Variants in TMEM232 observed in about 807,000 individuals in gnomAD.
The protein encoded by TMEM232 is transmembrane protein 232.
TMEM232 carries 80 observed loss-of-function variants against 78.8 expected under a neutral mutation model. That is an observed-to-expected ratio of 1.01 (90% CI 0.85 to 1.22). The LOEUF (loss-of-function observed/expected upper bound fraction) is 1.22. Among genes scored for constraint, TMEM232 ranks in the 50% most tolerant of loss-of-function variants. The pLI, the probability that TMEM232 is intolerant of heterozygous loss-of-function variation, is 0.00. For missense variants in TMEM232, 881 were observed against 742.2 expected, an observed-to-expected ratio of 1.19 and a Z score of -2.17; for synonymous variants, 297 against 254.3, an observed-to-expected ratio of 1.17 and a Z score of -1.60.
chr5:110,502,888 T>C (rs1346290342), intron 12 of TMEM232, among the ~76,000 whole-genome samples: 1 of 152,234 alleles, frequency 6.6e-6, no homozygotes, highest in Non-Finnish European at 1.5e-5. Context: ...TTCCTGGCTA[T>C]CTGAAGTAGA....
intron 12 of TMEM232, among the ~76,000 whole-genome samples, chr5:110,439,957 C>T (rs1394544057): frequency 6.6e-6 from 1 of 152,118 alleles, no homozygotes; most frequent in Non-Finnish European, 1.5e-5. Context: ...AGATATTAAT[C>T]TGTGTGGTTA....
At chr5:110,666,685 C>G (rs1357767267) in intron 2 of TMEM232, 2 of 151,952 alleles carry the variant, frequency 1.3e-5, no homozygotes, top group African/African-American at 2.4e-5. Context: ...CTGTAGGATT[C>G]TAGGTGGATA....
intron 1 of TMEM232, among the ~76,000 whole-genome samples, chr5:110,702,926 G>C (rs956639964): frequency 1.3e-5 from 2 of 152,022 alleles, no homozygotes; most frequent in African/African-American, 4.8e-5. Flanking sequence ...GGAATGTTAT[G>C]AAAGCAAAAA....
intron 1 of TMEM232, among the ~76,000 whole-genome samples, chr5:110,680,520 C>A (rs575828342): frequency 4.7e-5 from 7 of 148,946 alleles, no homozygotes; most frequent in African/African-American, 1.7e-4. Context: ...GTAGAATAAT[C>A]TTTTTCTTGG....
At chr5:110,646,601 A>G (rs1247783730) in intron 2 of TMEM232, among the ~76,000 whole-genome samples, 1 of 151,748 alleles carries the variant, frequency 6.6e-6, no homozygotes, top group Non-Finnish European at 1.5e-5. Context: ...AAAACTACTA[A>G]AAGAATGCAT....
At chr5:110,522,997 A>T (rs1177200928) in intron 12 of TMEM232, among the ~76,000 whole-genome samples, 1 of 152,118 alleles carries the variant, frequency 6.6e-6, no homozygotes, top group Non-Finnish European at 1.5e-5. Context: ...AATTGTTCAG[A>T]TGTTTAGTAG....
At chr5:110,407,196 T>G (rs1296695871) in intron 2 of TMEM232, among the ~76,000 whole-genome samples, 1 of 151,988 alleles carries the variant, frequency 6.6e-6, no homozygotes, top group Non-Finnish European at 1.5e-5. Flanking sequence ...TCCTTAATTA[T>G]CAATAATAAC....
chr5:110,537,474 A>G (rs1343499988), intron 11 of TMEM232, among the ~76,000 whole-genome samples: 1 of 151,872 alleles, frequency 6.6e-6, no homozygotes, highest in African/African-American at 2.4e-5. Flanking sequence ...AAAACCTAAC[A>G]ATCTGCAAAA....
chr5:110,617,328 A>G (rs1783053723), intron 8 of TMEM232, among the ~76,000 whole-genome samples: 1 of 149,248 alleles, frequency 6.7e-6, no homozygotes, highest in Admixed American at 6.6e-5. Flanking sequence ...TTTCAGTTAG[A>G]CAGGAGGAAT....
intron 12 of TMEM232, among the ~76,000 whole-genome samples, chr5:110,500,063 G>C (rs1036369359): frequency 6.6e-6 from 1 of 151,890 alleles, no homozygotes; most frequent in African/African-American, 2.4e-5. Context: ...AGGCTGAGGC[G>C]GGTGGGACAC....
At chr5:110,429,321 C>T (rs554477665) in intron 12 of TMEM232, among the ~76,000 whole-genome samples, 99 of 151,798 alleles carry the variant, frequency 6.5e-4, no homozygotes, top group African/African-American at 2.3e-3. Context: ...TGAAAAGATA[C>T]ATATAGGACA....
intron 1 of TMEM232, among the ~76,000 whole-genome samples, chr5:110,715,207 C>T (rs1346769986): frequency 2.0e-5 from 3 of 151,604 alleles, no homozygotes; most frequent in East Asian, 3.9e-4. Flanking sequence ...TCTAACCAGC[C>T]TAAATCAATG....
chr5:110,679,440 A>G (rs190132564), intron 1 of TMEM232, among the ~76,000 whole-genome samples: 1 of 151,998 alleles, frequency 6.6e-6, no homozygotes, highest in Non-Finnish European at 1.5e-5. Flanking sequence ...TTATCGAATG[A>G]GTCTTTTGCA....
At position 110,395,229 on chromosome 5, in the gene TMEM232, A is replaced by G. The variant is rs544392932; in HGVS notation, n.390+2544T>C. Among the ~76,000 whole-genome samples the G allele has an allele frequency of 2.6e-5, 4 of 152,258 alleles. No individual in the cohort carries two copies. In the South Asian group the frequency reaches 8.3e-4, roughly 32 times the overall value. On this transcript the variant is annotated intron_variant and non_coding_transcript_variant, in intron 3 of 8. Coordinates refer to the TMEM232 transcript ENST00000507188. ...AAGGCCTTTGTTTTATAGAAGAGACAGGGGAGAGTAATCTGTGCTTTCTCC... is the reference window on the plus strand; with the variant it reads ...AAGGCCTTTGTTTTATAGAAGAGACGGGGGAGAGTAATCTGTGCTTTCTCC...
chr5:110,511,411 CTG>C (rs1767721557), intron 12 of TMEM232, among the ~76,000 whole-genome samples: 1 of 150,960 alleles, frequency 6.6e-6, no homozygotes, highest in African/African-American at 2.4e-5. Context: ...CCTGCACGCT[CTG>C]TGCATGTACC....
At chr5:110,657,384 AGTGT>A (rs56213934) in intron 2 of TMEM232, among the ~76,000 whole-genome samples, 16 of 149,312 alleles carry the variant, frequency 1.1e-4, no homozygotes, top group African/African-American at 2.9e-4. Flanking sequence ...TATCTATCTG[AGTGT>A]GTGTGTGTGT....
intron 4 of TMEM232, among the ~76,000 whole-genome samples, chr5:110,639,857 C>G (rs1458308872): frequency 2.0e-5 from 3 of 152,186 alleles, no homozygotes; most frequent in Admixed American, 6.5e-5. Context: ...CCTATGAGGA[C>G]CCAATGTCAC....
intron 2 of TMEM232, among the ~76,000 whole-genome samples, chr5:110,732,360 C>T (rs1031053201): frequency 1.3e-5 from 2 of 152,178 alleles, no homozygotes; most frequent in African/African-American, 4.8e-5. Flanking sequence ...CAACGTCCTA[C>T]TCTATTGGTA....
At chr5:110,395,411 C>CAAGTAA (rs1413572496) in intron 3 of TMEM232, among the ~76,000 whole-genome samples, 46 of 152,220 alleles carry the variant, frequency 3.0e-4, no homozygotes, top group African/African-American at 9.6e-4. Flanking sequence ...CACAGTTGAC[C>CAAGTAA]TTTAGCAAGT....
Sources: gnomAD v4.1 joint callset for allele counts (sites outside exome capture counted in the v4.1 genomes callset) on GRCh38, gnomAD v4.1.1 for gene constraint, MANE v1.5 for transcripts, NCBI Gene and HGNC (gene_info 2026-07-23, HGNC 2026-07-21) for gene names.